Variants in HIVEP1 observed in about 807,000 individuals in gnomAD.
HIVEP1 encodes the protein zinc finger protein 40.
Under a neutral mutation model 180.0 loss-of-function variants are expected in HIVEP1, and 36 were observed. That is an observed-to-expected ratio of 0.20 (90% CI 0.15 to 0.26). HIVEP1 has a LOEUF of 0.26. HIVEP1 is among the 10% of genes least tolerant of loss of function. The pLI, the probability that HIVEP1 is intolerant of heterozygous loss-of-function variation, is 1.00. For synonymous variants in HIVEP1, 1,239 were observed against 1,239.0 expected (o/e 1.00, Z 0.00); for missense variants, 3,143 against 3,268.7 (o/e 0.96, Z 0.94).
At chr6:12,018,546 T>C (rs868838111) in intron 2 of HIVEP1, among the ~76,000 whole-genome samples, 9 of 152,218 alleles carry the variant, frequency 5.9e-5, no homozygotes, top group Admixed American at 3.9e-4. Context: ...AACATGTAAC[T>C]ATGTACTATG....
chr6:12,020,226 C>T (rs1581505970), intron 2 of HIVEP1: 7 of 444,042 alleles, frequency 1.6e-5, no homozygotes, highest in South Asian at 1.2e-4. Flanking sequence ...ATCAGTTCTC[C>T]ATGCCTGTTT....
At chr6:12,035,470 T>C (rs1769216191) in intron 2 of HIVEP1, among the ~76,000 whole-genome samples, 1 of 152,224 alleles carries the variant, frequency 6.6e-6, no homozygotes, top group Non-Finnish European at 1.5e-5. Flanking sequence ...TCTAGAAAAA[T>C]CTAATTTCAA....
At chr6:12,033,570 C>T (rs1178225776) in intron 2 of HIVEP1, among the ~76,000 whole-genome samples, 1 of 152,168 alleles carries the variant, frequency 6.6e-6, no homozygotes. Context: ...GAAGTGGTAA[C>T]TTTGGTTACA....
At chr6:12,089,980 T>C (rs1773365675) in intron 3 of HIVEP1, among the ~76,000 whole-genome samples, 1 of 152,074 alleles carries the variant, frequency 6.6e-6, no homozygotes, top group Non-Finnish European at 1.5e-5. Context: ...CACTCATTTA[T>C]ATGCCTTTGT....
In HIVEP1 at chr6:12,123,687, T is replaced by C; in HGVS notation, c.3892T>C (p.Phe1298Leu). The C allele has an allele frequency of 6.2e-7, 1 of 1,613,956 alleles. No individual in the cohort carries two copies. The highest frequency in any genetic ancestry group is 8.5e-7 in the Non-Finnish European group (1 of 1,179,986). The change falls in exon 4 of 9, where the codon TTT (phenylalanine) becomes CTT (leucine). Residue 1298 changes from phenylalanine to leucine, a missense_variant. Transcript: ENST00000379388. Reference protein sequence around the residue: ...EIEHSSTESSFDSTLSRSLSR... With the variant: ...EIEHSSTESSLDSTLSRSLSR... Reference sequence around the variant, plus strand: ...AGAACATTCCTCAACAGAATCGAGCTTTGATTCCACTCTCTCCAGGAGTCT... The same window carrying C: ...AGAACATTCCTCAACAGAATCGAGCCTTGATTCCACTCTCTCCAGGAGTCT...
At position 12,063,330 on chromosome 6, in the gene HIVEP1, A is replaced by G. The variant is rs552402561; in HGVS notation, c.41-25854A>G. The stretch of plus-strand genomic sequence containing the variant: ...CCTGGCCTGTACCCACTAGATGCCA[A>G]TTGCAGTCTTCCTCCCTCAGTTGTA... On this transcript the variant is annotated intron_variant, in intron 2 of 8. Coordinates refer to ENST00000379388, the MANE Select transcript of HIVEP1 (RefSeq NM_002114.4). This position sits in a 1 kb window ranked among gnomAD's most constrained non-coding sequence, Gnocchi z 4.2. Among the ~76,000 whole-genome samples, 7 of 152,298 alleles carry G rather than the reference A, an allele frequency of 4.6e-5. No individual in the cohort carries two copies. In the East Asian group the frequency reaches 1.4e-3, roughly 29 times the overall value.
chr6:12,082,223 A>T (rs968985583), intron 2 of HIVEP1, among the ~76,000 whole-genome samples: 18 of 152,134 alleles, frequency 1.2e-4, no homozygotes, highest in Non-Finnish European at 2.4e-4. Flanking sequence ...TTCCTGGAGT[A>T]TCTGATTCAG....
intron 6 of HIVEP1, among the ~76,000 whole-genome samples, chr6:12,132,197 G>T (rs1758460803): frequency 6.6e-6 from 1 of 152,076 alleles, no homozygotes; most frequent in African/African-American, 2.4e-5. Context: ...TTTCCTTCCT[G>T]GTCCTGAGGG....
chr6:12,062,691 C>T (rs1197879481), intron 2 of HIVEP1, among the ~76,000 whole-genome samples: 2 of 152,116 alleles, frequency 1.3e-5, no homozygotes, highest in African/African-American at 4.8e-5. Context: ...AGGTAGGTAC[C>T]ATTTTCTCAC....
chr6:12,205,067 T>G, the HIVEP1 span, among the ~76,000 whole-genome samples: 14 of 152,030 alleles, frequency 9.2e-5, no homozygotes, highest in Non-Finnish European at 1.9e-4. Context: ...GAGGGGGAAG[T>G]GATCAGAGAT....
At chr6:12,129,693 A>G in intron 4 of HIVEP1, 66 bp from the exon 5 acceptor site, 1 of 1,282,120 alleles carries the variant, frequency 7.8e-7, no homozygotes. Flanking sequence ...TTTAATTTCC[A>G]GTGAAAGATT....
intron 2 of HIVEP1, among the ~76,000 whole-genome samples, chr6:12,043,442 A>G (rs980442671): frequency 6.7e-6 from 1 of 149,568 alleles, no homozygotes; most frequent in African/African-American, 2.5e-5. Flanking sequence ...GTTCACTGCA[A>G]CCTCCACCTC....
chr6:12,087,925 A>C (rs1773211244), intron 2 of HIVEP1, among the ~76,000 whole-genome samples: 1 of 152,186 alleles, frequency 6.6e-6, no homozygotes, highest in South Asian at 2.1e-4. Flanking sequence ...ATCAGGATGA[A>C]AATTTAGTTA....
chr6:12,068,387 G>T (rs1448036371), intron 2 of HIVEP1, among the ~76,000 whole-genome samples: 1 of 152,130 alleles, frequency 6.6e-6, no homozygotes, highest in Non-Finnish European at 1.5e-5. Flanking sequence ...ACCATGCCCA[G>T]CCTGACCTTA....
rs545960918 is a variant in HIVEP1 at position 12,030,242 on chromosome 6, G to A, written c.40+14574G>A. Among the ~76,000 whole-genome samples the A allele has an allele frequency of 2.8e-4, 43 of 152,142 alleles. 1 individual carries two copies. Among genetic ancestry groups the A allele is most frequent in the African/African-American group, 9.9e-4 (41 of 41,540 alleles). On this transcript the variant is annotated intron_variant, in intron 2 of 8. Transcript: ENST00000379388. ...TTTGTTTCTCATCTTTCTCCAATTTGAATGTGATGTGCTTAGTTGTGGATT... is the reference window on the plus strand; with the variant it reads ...TTTGTTTCTCATCTTTCTCCAATTTAAATGTGATGTGCTTAGTTGTGGATT...
At chr6:12,049,085 G>A (rs1303057555) in intron 2 of HIVEP1, among the ~76,000 whole-genome samples, 2 of 152,306 alleles carry the variant, frequency 1.3e-5, no homozygotes, top group African/African-American at 4.8e-5. Flanking sequence ...GGTGTGGGCA[G>A]GGGGAAGAGT....
At chr6:12,104,124 T>G (rs1419375576) in intron 3 of HIVEP1, among the ~76,000 whole-genome samples, 1 of 152,168 alleles carries the variant, frequency 6.6e-6, no homozygotes, top group Non-Finnish European at 1.5e-5. Flanking sequence ...CTTTCATAGT[T>G]TCAAAGTGAT....
chr6:12,099,037 G>A (rs1310339416), intron 3 of HIVEP1, among the ~76,000 whole-genome samples: 1 of 152,142 alleles, frequency 6.6e-6, no homozygotes, highest in African/African-American at 2.4e-5. Context: ...GGACTTAAAA[G>A]CATTGCAATG....
chr6:12,027,473 A>C (rs1416850256), intron 2 of HIVEP1, among the ~76,000 whole-genome samples: 1 of 152,174 alleles, frequency 6.6e-6, no homozygotes. Flanking sequence ...ACCCAAAAGG[A>C]TTAGATTGTT....
Sources: gnomAD v4.1 joint callset for allele counts (sites outside exome capture counted in the v4.1 genomes callset) on GRCh38, gnomAD v4.1.1 for gene constraint, Gnocchi (gnomAD v3.1) non-coding constraint, MANE v1.5 for transcripts, NCBI Gene and HGNC (gene_info 2026-07-23, HGNC 2026-07-21) for gene names.